The following DPP6 variants were observed in gnomAD, a reference collection of about 807,000 sequenced individuals.
DPP6 encodes A-type potassium channel modulatory protein DPP6.
A neutral mutation model predicts 122.6 loss-of-function variants in DPP6; 69 were observed. The observed-to-expected ratio is 0.56, with a 90% CI of 0.46 to 0.69. The LOEUF is 0.69. DPP6 is among the 30% of genes least tolerant of loss of function. DPP6 has a pLI of 0.00. For synonymous variants in DPP6, 418 were observed against 433.1 expected, an observed-to-expected ratio of 0.97 and a Z score of 0.43; for missense variants, 928 against 1,116.9, an observed-to-expected ratio of 0.83 and a Z score of 2.41.
At chr7:154,001,000 C>T (rs1797663472) in intron 1 of DPP6, among the ~76,000 whole-genome samples, 1 of 152,182 alleles carries the variant, frequency 6.6e-6, no homozygotes. Flanking sequence ...GGGCAGTTCT[C>T]ATGAAGGGTT....
chr7:153,896,441 T>C (rs1305773750), intron 1 of DPP6, among the ~76,000 whole-genome samples: 1 of 152,218 alleles, frequency 6.6e-6, no homozygotes, highest in Non-Finnish European at 1.5e-5. Context: ...TTTTCATTCT[T>C]ATAAAAATTA....
intron 1 of DPP6, among the ~76,000 whole-genome samples, chr7:154,345,013 G>A (rs1161772573): frequency 2.6e-5 from 4 of 152,148 alleles, no homozygotes; most frequent in Admixed American, 6.5e-5. Context: ...GTGACCGCTC[G>A]GCAAATATCG....
chr7:154,450,666 A>G (rs6464426), intron 2 of DPP6, among the ~76,000 whole-genome samples: 45,721 of 152,082 alleles, frequency 0.3, 7,964 homozygotes, highest in African/African-American at 0.47. Flanking sequence ...CAGTGCTTCA[A>G]TGCCCAGGAA....
At chr7:154,015,730 C>T (rs1798373824) in intron 1 of DPP6, among the ~76,000 whole-genome samples, 1 of 152,116 alleles carries the variant, frequency 6.6e-6, no homozygotes, top group East Asian at 1.9e-4. Flanking sequence ...ACCCACCTCC[C>T]CACTGGGGCT....
At chr7:154,382,493 T>C (rs1202611390) in intron 1 of DPP6, among the ~76,000 whole-genome samples, 1 of 152,260 alleles carries the variant, frequency 6.6e-6, no homozygotes, top group Non-Finnish European at 1.5e-5. Context: ...TAGGAATTTT[T>C]ATTCTTTCAA....
intron 5 of DPP6, among the ~76,000 whole-genome samples, chr7:154,577,193 A>G (rs1236896028): frequency 4.6e-5 from 7 of 152,122 alleles, no homozygotes; most frequent in Admixed American, 3.9e-4. Flanking sequence ...CCAGGGACTC[A>G]CAGGAGGAGG....
chr7:154,374,618 T>TTCTTTTTCTTTTTTC (rs59457767), intron 1 of DPP6, among the ~76,000 whole-genome samples: 6 of 151,772 alleles, frequency 4.0e-5, no homozygotes, highest in Non-Finnish European at 7.4e-5. Flanking sequence ...TTTCTTTTTT[T>TTCTTTTTCTTTTTTC]CTTTTTTTTT....
chr7:153,928,396 A>ATTTTTTTTTTTTTTTTTTTTTTTTT lies in DPP6; in HGVS notation c.51+40663_51+40687dup, dbSNP rs71182854. Among the ~76,000 whole-genome samples the ATTTTTTTTTTTTTTTTTTTTTTTTT allele has an allele frequency of 2.4e-3, 104 of 43,696 alleles. 23 individuals carry two copies. Among genetic ancestry groups the ATTTTTTTTTTTTTTTTTTTTTTTTT allele is most frequent in the Non-Finnish European group, 3.0e-3 (68 of 22,864 alleles). The allele number at this position is 43,696 out of a possible 152,430, so 28.7% of individuals were successfully genotyped here. ...CTGGCTAATTTTTTTCTTTTCTTTC[A>ATTTTTTTTTTTTTTTTTTTTTTTTT]TTTTTTTTTTTTTTTTTTTTTTTTT... is the stretch of plus-strand genomic sequence containing the variant. On this transcript the variant is annotated intron_variant, in intron 1 of 25. Transcript: ENST00000404039.
intron 17 of DPP6, among the ~76,000 whole-genome samples, chr7:154,865,735 A>G (rs1803812420): frequency 6.6e-6 from 1 of 152,162 alleles, no homozygotes; most frequent in African/African-American, 2.4e-5. Context: ...TGAGCCCTGA[A>G]GACCTTTGCA....
At chr7:154,131,275 C>T (rs1270053758) in intron 1 of DPP6, among the ~76,000 whole-genome samples, 1 of 152,224 alleles carries the variant, frequency 6.6e-6, no homozygotes, top group Admixed American at 6.5e-5. Context: ...GTGTGATATG[C>T]AGTTTTAGCC....
chr7:154,510,998 A>G (rs1304459171), intron 3 of DPP6, among the ~76,000 whole-genome samples: 1 of 151,680 alleles, frequency 6.6e-6, no homozygotes, highest in East Asian at 1.9e-4. Context: ...AGGAAAAGAT[A>G]GACCCTGGCG....
intron 1 of DPP6, among the ~76,000 whole-genome samples, chr7:154,280,604 A>G (rs1323405730): frequency 1.3e-5 from 2 of 152,208 alleles, no homozygotes; most frequent in African/African-American, 2.4e-5. Context: ...TTAGCTATTA[A>G]TTCAATTTAC....
At chr7:153,907,339 G>T (rs1307284658) in intron 1 of DPP6, among the ~76,000 whole-genome samples, 1 of 152,108 alleles carries the variant, frequency 6.6e-6, no homozygotes, top group East Asian at 1.9e-4. Context: ...CAGCTGGATT[G>T]TTCAGTTTTG....
chr7:154,323,361 G>C lies in DPP6; in HGVS notation c.244-122853G>C, dbSNP rs570342820. 1.8e-4 allele frequency among the ~76,000 whole-genome samples: 27 copies of C among 151,460 alleles called. No individual in the cohort carries two copies. In the East Asian group the frequency reaches 3.5e-3, roughly 20 times the overall value. ...AAAAAGCAAGTGCTTTTGCACAAAA[G>C]GCTGTAAGAAATGAGGGCTGCATAT... On this transcript the variant is annotated intron_variant, in intron 1 of 25. Coordinates refer to ENST00000377770, the MANE Select transcript of DPP6 (RefSeq NM_130797.4).
At chr7:154,200,035 G>T (rs80193857) in intron 1 of DPP6, among the ~76,000 whole-genome samples, 3,707 of 152,240 alleles carry the variant, frequency 0.024, 176 homozygotes, top group African/African-American at 0.083. Flanking sequence ...CTGCACAATG[G>T]AATTACTCGG....
chr7:154,156,418 A>G, intron 1 of DPP6, among the ~76,000 whole-genome samples: 1 of 152,230 alleles, frequency 6.6e-6, no homozygotes, highest in East Asian at 1.9e-4. Context: ...CTCCCAAAAT[A>G]CAAATCTCTT....
chr7:153,793,614 A>C, the DPP6 span, among the ~76,000 whole-genome samples: 2 of 151,188 alleles, frequency 1.3e-5, no homozygotes, highest in African/African-American at 4.9e-5. Flanking sequence ...AGAAATGTGC[A>C]TAAGTAATGA....
the DPP6 span, among the ~76,000 whole-genome samples, chr7:153,787,112 C>T: frequency 2.8e-5 from 4 of 141,522 alleles, no homozygotes; most frequent in South Asian, 2.4e-4. Context: ...CGACCACGCC[C>T]GGCTAATTTT....
intron 7 of DPP6, among the ~76,000 whole-genome samples, chr7:154,674,230 T>G (rs965945337): frequency 1.4e-4 from 22 of 152,300 alleles, no homozygotes; most frequent in African/African-American, 5.1e-4. Context: ...GACCATGTGT[T>G]TGTCTGTTTA....
Sources: allele counts gnomAD v4.1 joint callset (sites outside exome capture counted in the v4.1 genomes callset), GRCh38; gene constraint gnomAD v4.1.1; transcripts MANE v1.5; gene names NCBI Gene and HGNC (gene_info 2026-07-23, HGNC 2026-07-21).